TMEM132D: variants seen among roughly 807,000 people sequenced by gnomAD.
The protein encoded by TMEM132D is mature OL transmembrane protein.
TMEM132D carries 21 observed loss-of-function variants against 62.3 expected under a neutral mutation model. That is an observed-to-expected ratio of 0.34 (90% CI 0.24 to 0.49). The LOEUF (loss-of-function observed/expected upper bound fraction) is 0.49, where lower values mean the gene tolerates loss of function less well. Ranked by LOEUF, TMEM132D falls within the 20% of genes least tolerant of loss-of-function variation. The probability of loss-of-function intolerance (pLI) is 0.99; values close to 1 mark genes in which losing one functional copy is unlikely to be tolerated. For synonymous variants in TMEM132D, 621 were observed against 575.6 expected (o/e 1.08, Z -1.13); for missense variants, 1,346 against 1,402.8 (o/e 0.96, Z 0.65).
chr12:129,641,811 G>A (rs938399361), intron 2 of TMEM132D, among the ~76,000 whole-genome samples: 1 of 152,120 alleles, frequency 6.6e-6, no homozygotes, highest in African/African-American at 2.4e-5. Flanking sequence ...CGACCAGCTT[G>A]GAAGGTGCTT....
intron 4 of TMEM132D, among the ~76,000 whole-genome samples, chr12:129,240,002 T>C (rs936627327): frequency 1.2e-4 from 19 of 152,160 alleles, no homozygotes; most frequent in African/African-American, 4.6e-4. Context: ...AAGGGAGAAA[T>C]GGCTGTCAGT....
At chr12:129,502,751 T>C (rs1266370080) in intron 3 of TMEM132D, among the ~76,000 whole-genome samples, 1 of 152,206 alleles carries the variant, frequency 6.6e-6, no homozygotes, top group African/African-American at 2.4e-5. Flanking sequence ...TTGATATTCA[T>C]TGGACCTAAA....
chr12:129,362,654 C>T (rs958009053), intron 3 of TMEM132D, among the ~76,000 whole-genome samples: 1 of 151,938 alleles, frequency 6.6e-6, no homozygotes, highest in Non-Finnish European at 1.5e-5. Context: ...AGCATTCTTG[C>T]TAGGGCTGCA....
intron 8 of TMEM132D, among the ~76,000 whole-genome samples, chr12:129,076,438 A>G (rs553652411): frequency 4.6e-5 from 7 of 152,216 alleles, no homozygotes; most frequent in Admixed American, 1.3e-4. Context: ...CTGGCCCCTG[A>G]CCATGACAGA....
At chr12:129,641,166 G>A (rs1271948464) in intron 2 of TMEM132D, among the ~76,000 whole-genome samples, 1 of 152,130 alleles carries the variant, frequency 6.6e-6, no homozygotes, top group Non-Finnish European at 1.5e-5. Context: ...TGGAAAAATT[G>A]TCTTCCATAA....
intron 5 of TMEM132D, among the ~76,000 whole-genome samples, chr12:129,149,579 G>T (rs1021883336): frequency 6.6e-6 from 1 of 152,208 alleles, no homozygotes; most frequent in African/African-American, 2.4e-5. Flanking sequence ...AGTGTGTGCG[G>T]CACCTCTCAG....
At chr12:129,594,186 G>A (rs574957647) in intron 2 of TMEM132D, among the ~76,000 whole-genome samples, 192 of 152,272 alleles carry the variant, frequency 1.3e-3, no homozygotes, top group Non-Finnish European at 1.9e-3. Flanking sequence ...CCCTGGTTAT[G>A]CAGAAGTGGG....
chr12:129,626,066 G>C (rs900697998), intron 2 of TMEM132D, among the ~76,000 whole-genome samples: 1 of 151,056 alleles, frequency 6.6e-6, no homozygotes, highest in African/African-American at 2.4e-5. Context: ...GTTCCTAATA[G>C]AATTTTAATT....
intron 4 of TMEM132D, among the ~76,000 whole-genome samples, chr12:129,308,277 C>G: frequency 6.6e-6 from 1 of 152,202 alleles, no homozygotes; most frequent in East Asian, 1.9e-4. Context: ...TACATCCTTA[C>G]TGCTCACTCC....
At position 129,088,356 on chromosome 12, in the gene TMEM132D, A is replaced by C. The variant is rs868118955; in HGVS notation, c.1444-3654T>G. ...TGTCCTCTATGACCGGGTGTCCTCC[A>C]TGACCGGGGTGTCCTCCATGACCGG... is the stretch of plus-strand genomic sequence containing the variant. On this transcript the variant is annotated intron_variant, in intron 5 of 8. Transcript: ENST00000422113. 1.4e-3 allele frequency among the ~76,000 whole-genome samples: 30 copies of C among 21,092 alleles called. 1 individual carries two copies. Among genetic ancestry groups the C allele is most frequent in the South Asian group, 9.3e-3 (5 of 540 alleles). The allele number at this position is 21,092 out of a possible 152,430, so 13.8% of individuals were successfully genotyped here.
At chr12:129,684,660 T>C (rs1043437692) in intron 2 of TMEM132D, among the ~76,000 whole-genome samples, 2 of 152,016 alleles carry the variant, frequency 1.3e-5, no homozygotes, top group Non-Finnish European at 2.9e-5. Context: ...CAGGAAAATG[T>C]TGGGAAGTTT....
chr12:129,617,166 C>A (rs533577737), intron 2 of TMEM132D, among the ~76,000 whole-genome samples: 62 of 152,250 alleles, frequency 4.1e-4, no homozygotes, highest in African/African-American at 1.4e-3. Context: ...GTGAAGCCTG[C>A]AGGTGAGAAC....
intron 4 of TMEM132D, among the ~76,000 whole-genome samples, chr12:129,293,314 T>A (rs1037807530): frequency 6.6e-6 from 1 of 152,096 alleles, no homozygotes; most frequent in African/African-American, 2.4e-5. Flanking sequence ...GACGGACACC[T>A]GGGTCTCAGA....
chr12:129,514,018 T>C (rs1296881762), intron 3 of TMEM132D, among the ~76,000 whole-genome samples: 1 of 149,602 alleles, frequency 6.7e-6, no homozygotes, highest in Non-Finnish European at 1.5e-5. Context: ...TTTTTGTATT[T>C]TCAGTGGAGA....
chr12:129,099,852 G>A (rs1875242033), intron 5 of TMEM132D, among the ~76,000 whole-genome samples: 1 of 136,462 alleles, frequency 7.3e-6, no homozygotes, highest in South Asian at 2.1e-4. Flanking sequence ...TTGAGACGGA[G>A]TCTCGCTCTG....
At chr12:129,213,139 G>C (rs1311718407) in intron 4 of TMEM132D, among the ~76,000 whole-genome samples, 1 of 152,186 alleles carries the variant, frequency 6.6e-6, no homozygotes, top group East Asian at 1.9e-4. Flanking sequence ...AGGGGATGAT[G>C]TATTTCACGA....
At chr12:129,629,872 A>AGAGTTGAAT (rs1316162619) in intron 2 of TMEM132D, among the ~76,000 whole-genome samples, 1 of 152,178 alleles carries the variant, frequency 6.6e-6, no homozygotes, top group Non-Finnish European at 1.5e-5. Flanking sequence ...AGTAGCACAC[A>AGAGTTGAAT]GAGTTGAATT....
intron 1 of TMEM132D, among the ~76,000 whole-genome samples, chr12:129,815,666 C>T (rs1308982744): frequency 5.3e-5 from 8 of 152,128 alleles, no homozygotes; most frequent in African/African-American, 1.7e-4. Flanking sequence ...TTTATGTGTG[C>T]GGGGGATCTG....
chr12:129,642,351 C>T (rs942533633), intron 2 of TMEM132D, among the ~76,000 whole-genome samples: 2 of 152,268 alleles, frequency 1.3e-5, no homozygotes, highest in Non-Finnish European at 2.9e-5. Flanking sequence ...CCAGGTACAA[C>T]ACAGAGCCTG....
Sources: gnomAD v4.1 joint callset for allele counts (sites outside exome capture counted in the v4.1 genomes callset) on GRCh38, gnomAD v4.1.1 for gene constraint, MANE v1.5 for transcripts, NCBI Gene and HGNC (gene_info 2026-07-23, HGNC 2026-07-21) for gene names.